Variants in FRMD4B observed in about 807,000 individuals in gnomAD.
FRMD4B encodes the protein FERM domain-containing protein 4B.
FRMD4B carries 74 observed loss-of-function variants against 141.5 expected under a neutral mutation model. The ratio of observed to expected loss-of-function variants is 0.52; its 90% confidence interval spans 0.43 to 0.63. FRMD4B has a LOEUF of 0.63. FRMD4B is among the 30% of genes least tolerant of loss of function. The probability of loss-of-function intolerance (pLI) is 0.00; values close to 1 mark genes in which losing one functional copy is unlikely to be tolerated. For synonymous variants in FRMD4B, 506 were observed against 467.9 expected (o/e 1.08, Z -1.05); for missense variants, 1,366 against 1,253.4 (o/e 1.09, Z -1.36).
intron 1 of FRMD4B, among the ~76,000 whole-genome samples, chr3:69,526,604 A>G (rs182974622): frequency 6.6e-6 from 1 of 152,220 alleles, no homozygotes; most frequent in East Asian, 1.9e-4. Context: ...GGGCCGAGAA[A>G]ATTGTTAGGC....
chr3:69,444,690 T>G (rs1178675117), intron 1 of FRMD4B, among the ~76,000 whole-genome samples: 2 of 152,246 alleles, frequency 1.3e-5, no homozygotes, highest in East Asian at 3.8e-4. Flanking sequence ...TTTCCCATTA[T>G]TACTCAAACA....
chr3:69,267,877 C>A (rs950850061), intron 5 of FRMD4B, among the ~76,000 whole-genome samples: 2 of 150,040 alleles, frequency 1.3e-5, no homozygotes, highest in Non-Finnish European at 2.9e-5. Context: ...AAGTGATCCT[C>A]CTGCCTTGGC....
At chr3:69,377,977 A>ATTTTTTTTTTT (rs35582091) in intron 1 of FRMD4B, among the ~76,000 whole-genome samples, 1 of 139,858 alleles carries the variant, frequency 7.2e-6, no homozygotes. Flanking sequence ...CACTTGGCTA[A>ATTTTTTTTTTT]TTTTTTTTTT....
intron 1 of FRMD4B, among the ~76,000 whole-genome samples, chr3:69,332,066 G>A (rs143771737): frequency 1.3e-5 from 2 of 152,146 alleles, no homozygotes; most frequent in Admixed American, 6.5e-5. Context: ...CAGCCTGGGC[G>A]ACACAGCAAG....
At chr3:69,445,028 A>G (rs2106872657) in intron 1 of FRMD4B, among the ~76,000 whole-genome samples, 1 of 152,332 alleles carries the variant, frequency 6.6e-6, no homozygotes, top group Middle Eastern at 3.4e-3. Context: ...TAATAAAAAT[A>G]GACAACCTTC....
chr3:69,172,069 G>A, intron 22 of FRMD4B, 88 bp from the exon 23 acceptor site: 5 of 1,292,794 alleles, frequency 3.9e-6, no homozygotes, highest in Non-Finnish European at 5.5e-6. Flanking sequence ...GAAGTTAGTA[G>A]GAAGCACTGT....
chr3:69,366,970 T>C (rs1703682247), intron 1 of FRMD4B, among the ~76,000 whole-genome samples: 1 of 152,148 alleles, frequency 6.6e-6, no homozygotes, highest in African/African-American at 2.4e-5. Context: ...TTTTGCCATG[T>C]TGCCCAGGCT....
At chr3:69,221,544 C>A (rs148629887) in intron 9 of FRMD4B, among the ~76,000 whole-genome samples, 1 of 152,118 alleles carries the variant, frequency 6.6e-6, no homozygotes, top group Non-Finnish European at 1.5e-5. Context: ...CAACATTATG[C>A]CTGAATTCTA....
At chr3:69,476,490 G>A (rs1450673988) in intron 1 of FRMD4B, among the ~76,000 whole-genome samples, 1 of 152,058 alleles carries the variant, frequency 6.6e-6, no homozygotes, top group African/African-American at 2.4e-5. Flanking sequence ...TTTTTGTCAG[G>A]TTTGTCAAAG....
intron 1 of FRMD4B, among the ~76,000 whole-genome samples, chr3:69,323,288 C>T (rs564391802): frequency 1.4e-4 from 21 of 152,018 alleles, no homozygotes; most frequent in Admixed American, 2.6e-4. Flanking sequence ...CTTTTATGGC[C>T]GGGCGTGGTG....
intron 1 of FRMD4B, among the ~76,000 whole-genome samples, chr3:69,368,178 C>A (rs946406339): frequency 6.6e-6 from 1 of 152,154 alleles, no homozygotes; most frequent in Non-Finnish European, 1.5e-5. Flanking sequence ...GACAACATCA[C>A]GAGATATCAT....
chr3:69,262,456 T>G (rs1328092012), intron 5 of FRMD4B, among the ~76,000 whole-genome samples: 3 of 145,060 alleles, frequency 2.1e-5, no homozygotes, highest in Admixed American at 7.1e-5. Context: ...GGTACACAAA[T>G]GACTTTTTTT....
intron 1 of FRMD4B, among the ~76,000 whole-genome samples, chr3:69,348,578 A>G (rs947841963): frequency 6.6e-6 from 1 of 152,220 alleles, no homozygotes; most frequent in African/African-American, 2.4e-5. Context: ...CGATGCAAAG[A>G]TCCTCAGTAA....
intron 1 of FRMD4B, chr3:69,472,377 C>A: frequency 2.0e-6 from 1 of 494,732 alleles, no homozygotes; most frequent in Non-Finnish European, 4.1e-6. Flanking sequence ...AACATCTCCA[C>A]CCTCATTCTT....
At chr3:69,241,034 G>A (rs1454526915) in intron 7 of FRMD4B, among the ~76,000 whole-genome samples, 3 of 152,128 alleles carry the variant, frequency 2.0e-5, no homozygotes, top group Non-Finnish European at 2.9e-5. Flanking sequence ...TGGGTGTAAC[G>A]GCCTGGTCCA....
At chr3:69,220,809 G>A (rs947815963) in intron 9 of FRMD4B, among the ~76,000 whole-genome samples, 10 of 152,246 alleles carry the variant, frequency 6.6e-5, no homozygotes, top group East Asian at 1.9e-4. Context: ...AGATGAGATT[G>A]CATCACGGCA....
At chr3:69,343,172 T>A (rs1313717793) in intron 1 of FRMD4B, among the ~76,000 whole-genome samples, 1 of 152,158 alleles carries the variant, frequency 6.6e-6, no homozygotes, top group Non-Finnish European at 1.5e-5. Context: ...CAGGCTGGTC[T>A]TGACCTCCTG....
chr3:69,260,699 G>A (rs897913942), intron 5 of FRMD4B, among the ~76,000 whole-genome samples: 2 of 152,372 alleles, frequency 1.3e-5, no homozygotes, highest in Non-Finnish European at 1.5e-5. Context: ...TCCACTAGGC[G>A]AAGCCAGATG....
chr3:69,324,552 T>G (rs1019902266), intron 1 of FRMD4B, among the ~76,000 whole-genome samples: 2 of 152,210 alleles, frequency 1.3e-5, no homozygotes, highest in African/African-American at 4.8e-5. Context: ...CTCTACCCAC[T>G]AGATGTCAGT....
Sources: allele counts gnomAD v4.1 joint callset (sites outside exome capture counted in the v4.1 genomes callset), GRCh38; gene constraint gnomAD v4.1.1; transcripts MANE v1.5; gene names NCBI Gene and HGNC (gene_info 2026-07-23, HGNC 2026-07-21).